The following DPPA4 variants were observed in gnomAD, a reference collection of about 807,000 sequenced individuals.
DPPA4 encodes developmental pluripotency associated 4.
In DPPA4, 22 loss-of-function variants were observed where a neutral mutation model predicts 33.7. The ratio of observed to expected loss-of-function variants is 0.65; its 90% CI spans 0.47 to 0.93. DPPA4 has a LOEUF of 0.93. DPPA4 is among the 40% of genes least tolerant of loss of function. The pLI, the probability that DPPA4 is intolerant of heterozygous loss-of-function variation, is 0.00. For missense variants in DPPA4, 340 were observed against 358.6 expected (o/e 0.95, Z 0.42); for synonymous variants, 156 against 132.3 (o/e 1.18, Z -1.23).
At chr3:109,328,251 G>A (rs771210618) in intron 6 of DPPA4, among the ~76,000 whole-genome samples, 5 of 152,038 alleles carry the variant, frequency 3.3e-5, no homozygotes, top group Non-Finnish European at 7.4e-5. Flanking sequence ...CCTTGGAGGG[G>A]CTCTTTTCAT....
intron 6 of DPPA4, 128 bp from the exon 7 acceptor site, chr3:109,328,152 G>C: frequency 1.5e-6 from 1 of 652,462 alleles, no homozygotes; most frequent in Non-Finnish European, 2.7e-6. Context: ...GCAAGCCTGT[G>C]ATCCTGTCAT....
At chr3:109,331,543 C>CAAAAAAAAAAAAA (rs62827961) in intron 4 of DPPA4, among the ~76,000 whole-genome samples, 191 bp downstream of exon 4, 3 of 71,466 alleles carry the variant, frequency 4.2e-5, no homozygotes, top group African/African-American at 5.6e-5. Flanking sequence ...GACTCTGTCT[C>CAAAAAAAAAAAAA]AAAAAAAAAA....
chr3:109,335,147 T>G (rs558797459), intron 1 of DPPA4, among the ~76,000 whole-genome samples: 1 of 152,340 alleles, frequency 6.6e-6, no homozygotes, highest in African/African-American at 2.4e-5. Flanking sequence ...CACTTTCATT[T>G]TTTTAAAAAA....
chr3:109,337,771 C>T (rs1213437258), upstream of DPPA4, among the ~76,000 whole-genome samples: 1 of 152,006 alleles, frequency 6.6e-6, no homozygotes, highest in African/African-American at 2.4e-5. Flanking sequence ...AGTATGGTTC[C>T]GGAGACATTG....
Position 109,333,564 on chromosome 3 carries a change from A to G in DPPA4, c.178+306T>C, listed in dbSNP as rs144430636. 5.2e-4 allele frequency: 111 copies of G among 213,000 alleles called. 4 individuals carry two copies. The East Asian group carries it at 0.013, about 26-fold the overall frequency. The allele number at this position is 213,000 out of a possible 1,614,324, so 13.2% of individuals were successfully genotyped here. On this transcript the variant is annotated intron_variant, in intron 2 of 6. Coordinates refer to ENST00000335658, the MANE Select transcript of DPPA4 (RefSeq NM_018189.4). ...GTCCGGTTTCAAGAATGGATCTTCA[A>G]ATTTACAGCTGTCTGTTCCCAAATC... is the stretch of plus-strand genomic sequence containing the variant.
intron 2 of DPPA4, 115 bp from the exon 3 acceptor site, chr3:109,332,146 G>T: frequency 2.1e-6 from 2 of 952,510 alleles, no homozygotes; most frequent in Non-Finnish European, 3.1e-6. Context: ...TCTGTCGCCC[G>T]GCTGGAGTGC....
upstream of DPPA4, among the ~76,000 whole-genome samples, chr3:109,339,475 T>C (rs1317104520): frequency 6.6e-6 from 1 of 151,892 alleles, no homozygotes; most frequent in South Asian, 2.1e-4. Flanking sequence ...CATGTTGGGA[T>C]CAGAAGAGCA....
chr3:109,328,441 C>G (rs1204653836), intron 6 of DPPA4, among the ~76,000 whole-genome samples: 1 of 152,152 alleles, frequency 6.6e-6, no homozygotes. Flanking sequence ...GATGGTCTTG[C>G]TACGTTTCCC....
Position 109,326,392 on chromosome 3 carries a change from T to C in DPPA4, c.*1596A>G, listed in dbSNP as rs1707934708. The C allele has an allele frequency of 6.6e-6, 1 of 152,214 alleles. No homozygotes were observed. Among genetic ancestry groups the C allele is most frequent in the Non-Finnish European group, 1.5e-5 (1 of 68,044 alleles). The allele number at this position is 152,214 out of a possible 1,614,324, so 9.4% of individuals were successfully genotyped here. Reference sequence around the variant, plus strand: ...TCTATTATTTATTACACAATAATTCTGACCACCAACAACCAACGGCGGGGG... The same window carrying C: ...TCTATTATTTATTACACAATAATTCCGACCACCAACAACCAACGGCGGGGG... On this transcript the variant is annotated 3_prime_UTR_variant, in exon 7 of 7. Transcript: ENST00000335658.
chr3:109,329,177 G>T, intron 5 of DPPA4, 89 bp from the exon 6 acceptor site: 2 of 1,148,348 alleles, frequency 1.7e-6, no homozygotes, highest in South Asian at 2.8e-5. Context: ...ACCCTTGATT[G>T]ACCAGCTCCA....
At chr3:109,336,846 C>T (rs1489864842) in intron 1 of DPPA4, among the ~76,000 whole-genome samples, 1 of 152,148 alleles carries the variant, frequency 6.6e-6, no homozygotes, top group African/African-American at 2.4e-5. Context: ...TGCACTCCAG[C>T]CAGGGAGACA....
In DPPA4 at chr3:109,332,042, A is replaced by G; in HGVS notation, c.179-11T>C. Reference sequence around the variant, plus strand: ...TCTTAGGGCAGAGCACTGAAGCAGAATGGAATCAAATGAGTAGTAATTATC... The same window carrying G: ...TCTTAGGGCAGAGCACTGAAGCAGAGTGGAATCAAATGAGTAGTAATTATC... On this transcript the variant is annotated splice_polypyrimidine_tract_variant and intron_variant, in intron 2 of 6. Coordinates refer to ENST00000335658, the MANE Select transcript of DPPA4 (RefSeq NM_018189.4). The G allele has an allele frequency of 6.4e-7, 1 of 1,573,436 alleles. No individual in the cohort carries two copies. The highest frequency in any genetic ancestry group is 1.1e-5 in the South Asian group (1 of 87,598).
At chr3:109,330,945 G>A in intron 4 of DPPA4, 133 bp from the exon 5 acceptor site, 1 of 870,316 alleles carries the variant, frequency 1.1e-6, no homozygotes, top group Non-Finnish European at 1.7e-6. Flanking sequence ...GTACAAGTTG[G>A]TAACTATACA....
In DPPA4 at chr3:109,332,027, G is replaced by A. The variant is rs150993476; in HGVS notation, c.183C>T (p.Leu61=). ...TGTGCTCTGCCTTTTTCTTAGGGCAGAGCACTGAAGCAGAATGGAATCAAA... is the reference window on the plus strand; with the variant it reads ...TGTGCTCTGCCTTTTTCTTAGGGCAAAGCACTGAAGCAGAATGGAATCAAA... ...EKMSIKGSKV[L]CPKKKAEHTD... is the part of the protein sequence containing the mutation. The change falls in exon 3 of 7, where the codon CTC becomes CTT. Residue 61 remains leucine (L), a synonymous_variant. Transcript: ENST00000335658. The A allele has an allele frequency of 6.8e-4, 1,089 of 1,605,688 alleles. 2 individuals are homozygous for A. The highest frequency in any genetic ancestry group is 4.2e-3 in the Middle Eastern group (25 of 6,010).
chr3:109,331,699 A>G (rs1010501753), intron 4 of DPPA4, 35 bp downstream of exon 4: 4 of 1,607,300 alleles, frequency 2.5e-6, no homozygotes, highest in Non-Finnish European at 3.4e-6. Context: ...GGTAATTAGG[A>G]TAAGCATTGA....
Position 109,329,027 on chromosome 3 carries a change from G to A in DPPA4, c.741C>T (p.His247=). Residue 247 remains histidine, a synonymous_variant, in exon 6 of 7, where the codon CAC becomes CAT. Transcript: ENST00000335658. ...SLPADTDGWV[H]LQFHAGQAWV... ...AGGCTTGACCAGCATGAAACTGCAG[G>A]TGAACCCAACCATCTGTGTCTGCAG... is the stretch of plus-strand genomic sequence containing the variant. The A allele has an allele frequency of 2.5e-6, 4 of 1,614,064 alleles. No homozygotes were observed. Among genetic ancestry groups the A allele is most frequent in the Non-Finnish European group, 3.4e-6 (4 of 1,180,032 alleles).
At chr3:109,329,639 C>T (rs1445286136) in intron 5 of DPPA4, 1 of 155,282 alleles carries the variant, frequency 6.4e-6, no homozygotes, top group Admixed American at 6.2e-5. Context: ...GAAAGACTAA[C>T]CCAGAGTGTC....
chr3:109,329,306 C>G, intron 5 of DPPA4: 1 of 501,192 alleles, frequency 2.0e-6, no homozygotes, highest in Non-Finnish European at 3.6e-6. Context: ...GAGGCCGAGG[C>G]GGGTGGATCA....
At chr3:109,332,217 T>C (rs1708097913) in intron 2 of DPPA4, 186 bp from the exon 3 acceptor site, 1 of 428,420 alleles carries the variant, frequency 2.3e-6, no homozygotes, top group East Asian at 3.9e-5. Context: ...TTCTCCTGCC[T>C]CAGCCTCCTG....
Sources: gnomAD v4.1 joint callset for allele counts (sites outside exome capture counted in the v4.1 genomes callset) on GRCh38, gnomAD v4.1.1 for gene constraint, MANE v1.5 for transcripts, NCBI Gene and HGNC (gene_info 2026-07-23, HGNC 2026-07-21) for gene names.